The following DMXL1 variants were observed in gnomAD, a reference collection of about 807,000 sequenced individuals.
DMXL1 encodes the protein Dmx like 1.
Under a neutral mutation model 319.2 loss-of-function variants are expected in DMXL1, and 99 were observed. The observed-to-expected ratio is 0.31, with a 90% confidence interval of 0.26 to 0.37. The LOEUF is 0.37. Ranked by LOEUF, DMXL1 falls within the 10% of genes least tolerant of loss-of-function variation. DMXL1 has a pLI of 1.00. For synonymous variants in DMXL1, 1,385 were observed against 1,235.2 expected (o/e 1.12, Z -2.54); for missense variants, 3,745 against 3,595.6 (o/e 1.04, Z -1.06).
chr5:119,145,126 T>C (rs1271438288), intron 15 of DMXL1, among the ~76,000 whole-genome samples: 1 of 151,844 alleles, frequency 6.6e-6, no homozygotes, highest in African/African-American at 2.4e-5. Context: ...CTACAGTCTC[T>C]TGGTCATCAC....
chr5:119,205,772 T>C (rs1781636843), intron 33 of DMXL1, among the ~76,000 whole-genome samples: 1 of 152,068 alleles, frequency 6.6e-6, no homozygotes, highest in Non-Finnish European at 1.5e-5. Context: ...AATATAGAGT[T>C]TGTGTGAAAT....
In DMXL1 at chr5:119,133,665, C is replaced by G; in HGVS notation, c.1741C>G (p.His581Asp). The change falls in exon 12 of 44, where the codon CAC becomes GAC. Residue 581 changes from histidine (H) to aspartate (D), a missense_variant. Physicochemically the swap from His to Asp is moderately conservative, Grantham distance 81. Transcript: ENST00000539542. ...RSTSMLISSG[H>D]NKSSNSLKLS... ...CACATCAATGCTTATTTCTTCTGGT[C>G]ACAATAAATCATCTAATAGTTTAAA... 6.2e-7 allele frequency: 1 copy of G among 1,614,158 alleles called. No homozygotes were observed. Among genetic ancestry groups the G allele is most frequent in the Non-Finnish European group, 8.5e-7 (1 of 1,180,022 alleles).
Position 119,120,959 on chromosome 5 carries a change from C to T in DMXL1, c.934-12C>T, listed in dbSNP as rs1425217395. 30 of 1,599,484 alleles carry T rather than the reference C, an allele frequency of 1.9e-5. No homozygotes were observed. The highest frequency in any genetic ancestry group is 2.5e-5 in the Non-Finnish European group (29 of 1,174,632). On this transcript the variant is annotated splice_polypyrimidine_tract_variant and intron_variant, in intron 8 of 43. Coordinates refer to ENST00000539542, the MANE Select transcript of DMXL1 (RefSeq NM_001290321.3). ...GACAATATAGGTATTAGTTTTGTTT[C>T]TATTCACACAGGTAAATCTGAGACA...
Position 119,134,312 on chromosome 5 carries a change from G to A in DMXL1, c.2299G>A (p.Gly767Arg). 6.2e-7 allele frequency: 1 copy of A among 1,613,800 alleles called. No individual in the cohort carries two copies. The highest frequency in any genetic ancestry group is 8.5e-7 in the Non-Finnish European group (1 of 1,179,838). The change falls in exon 13 of 44, where the codon GGA (glycine) becomes AGA (arginine). Residue 767 changes from glycine (G) to arginine (R), a missense_variant. By Grantham distance (125) the Gly-to-Arg change is moderately radical. Around this residue, in one of 4 missense-constraint regions of DMXL1, gnomAD observed 2,096 missense variants for 1,985.4 expected, o/e 1.06. Coordinates refer to ENST00000539542, the MANE Select transcript of DMXL1 (RefSeq NM_001290321.3). ...SPSACFVASD[G>R]QYLRLYEAVI... Reference sequence around the variant, plus strand: ...TAGTGCATGCTTTGTAGCCAGTGATGGACAATATCTGAGATTATATGAAGC... The same window carrying A: ...TAGTGCATGCTTTGTAGCCAGTGATAGACAATATCTGAGATTATATGAAGC...
chr5:119,166,910 G>C, intron 22 of DMXL1, 129 bp downstream of exon 22: 1 of 674,296 alleles, frequency 1.5e-6, no homozygotes, highest in Non-Finnish European at 2.3e-6. Context: ...TGAAATAACT[G>C]TTAATATTTA....
Position 119,166,683 on chromosome 5 carries a change from G to A in DMXL1, c.5038G>A (p.Ala1680Thr). Residue 1680 changes from alanine (A) to threonine (T), a missense_variant, in exon 22 of 44, where the codon GCA (alanine) becomes ACA (threonine). Ala to Thr is a moderately conservative substitution (Grantham distance 58, BLOSUM62 0). Coordinates refer to ENST00000539542, the MANE Select transcript of DMXL1 (RefSeq NM_001290321.3). ...HNFEDERWRK[A>T]ALKNAFSLLG... ...TTTTGAGGATGAGAGGTGGCGTAAA[G>A]CAGCTTTAAAGAATGCTTTTTCTTT... 1.9e-6 allele frequency: 3 copies of A among 1,612,634 alleles called. No homozygotes were observed. Among genetic ancestry groups the A allele is most frequent in the Non-Finnish European group, 2.5e-6 (3 of 1,179,446 alleles).
chr5:119,071,044 C>CT (rs1749402854), upstream of DMXL1, among the ~76,000 whole-genome samples: 1 of 152,210 alleles, frequency 6.6e-6, no homozygotes. Context: ...ACAGTAGCAG[C>CT]TGCCCCGAGC....
chr5:119,141,218 C>T (rs1767263128), intron 13 of DMXL1, among the ~76,000 whole-genome samples: 1 of 152,118 alleles, frequency 6.6e-6, no homozygotes, highest in Non-Finnish European at 1.5e-5. Context: ...CCTGTCTTGC[C>T]ACTCCTATTC....
intron 9 of DMXL1, among the ~76,000 whole-genome samples, chr5:119,122,753 G>A (rs993756049): frequency 6.6e-6 from 1 of 151,712 alleles, no homozygotes; most frequent in African/African-American, 2.4e-5. Context: ...GATGGTGGCC[G>A]GGAAGAGGCG....
At chr5:119,207,156 A>G (rs1561875075) in intron 34 of DMXL1, among the ~76,000 whole-genome samples, 4 of 152,312 alleles carry the variant, frequency 2.6e-5, no homozygotes. Context: ...AAATACAACT[A>G]AAGTTCTTAA....
rs746331755 is a variant in DMXL1 at position 119,133,219 on chromosome 5, C to T, written c.1403C>T (p.Thr468Ile). 26 of 1,614,058 alleles carry T rather than the reference C, an allele frequency of 1.6e-5. No homozygotes were observed. Among genetic ancestry groups the T allele is most frequent in the Non-Finnish European group, 2.1e-5 (25 of 1,180,040 alleles). ...CDKMVPNSSF[T>I]SLSSAAIDHQ... ...AAAATGGTACCAAACTCAAGTTTTA[C>T]ATCATTATCGTCAGCTGCCATTGAT... Residue 468 changes from threonine to isoleucine, a missense_variant, in exon 11 of 44, where the codon ACA becomes ATA. Transcript: ENST00000539542.
intron 30 of DMXL1, among the ~76,000 whole-genome samples, chr5:119,194,202 TAAC>T (rs1346797316): frequency 1.3e-5 from 2 of 152,186 alleles, no homozygotes; most frequent in Non-Finnish European, 2.9e-5. Flanking sequence ...TTCCTTTCCT[TAAC>T]AATAATTTAT....
At chr5:119,244,207 G>A in intron 42 of DMXL1, 152 bp from the exon 43 acceptor site, 8 of 645,196 alleles carry the variant, frequency 1.2e-5, no homozygotes, top group South Asian at 1.2e-4. Context: ...TATATCCAGT[G>A]TCTGAAATCA....
chr5:119,082,480 A>G (rs1752463538), intron 1 of DMXL1, among the ~76,000 whole-genome samples: 1 of 151,968 alleles, frequency 6.6e-6, no homozygotes, highest in Non-Finnish European at 1.5e-5. Context: ...TCACTGTATT[A>G]CCCAGACTGG....
At chr5:119,195,454 A>C (rs1456829835) in intron 30 of DMXL1, among the ~76,000 whole-genome samples, 1 of 152,242 alleles carries the variant, frequency 6.6e-6, no homozygotes, top group Non-Finnish European at 1.5e-5. Flanking sequence ...CATGGATATA[A>C]TGCTAAGTGA....
In DMXL1 at chr5:119,121,270, T is replaced by C. The variant is rs1761985643; in HGVS notation, c.1102+131T>C. 7.2e-6 allele frequency: 5 copies of C among 691,936 alleles called. No homozygotes were observed. In the East Asian group the frequency reaches 1.3e-4, roughly 18 times the overall value. The allele number at this position is 691,936 out of a possible 1,614,324, so 42.9% of individuals were successfully genotyped here. On this transcript the variant is annotated intron_variant, in intron 9 of 43. Transcript: ENST00000539542. ...TGTCTTAGCCTATTTTTCTTTTTTTTTTCTTTTTTTTTAATTTATTATTTA... is the reference window on the plus strand; with the variant it reads ...TGTCTTAGCCTATTTTTCTTTTTTTCTTCTTTTTTTTTAATTTATTATTTA...
At chr5:119,103,883 T>C (rs1312383259) in intron 3 of DMXL1, among the ~76,000 whole-genome samples, 1 of 152,200 alleles carries the variant, frequency 6.6e-6, no homozygotes, top group African/African-American at 2.4e-5. Flanking sequence ...GCCCATTTTC[T>C]CCTTTCCTAA....
At chr5:119,163,286 CAA>C (rs1772665772) in intron 19 of DMXL1, among the ~76,000 whole-genome samples, 1 of 152,116 alleles carries the variant, frequency 6.6e-6, no homozygotes, top group Non-Finnish European at 1.5e-5. Context: ...GTAACTTATC[CAA>C]AGATTATATG....
At chr5:119,159,783 C>G (rs1246027257) in intron 19 of DMXL1, among the ~76,000 whole-genome samples, 3 of 152,104 alleles carry the variant, frequency 2.0e-5, no homozygotes, top group Admixed American at 2.0e-4. Flanking sequence ...TCCACCACAC[C>G]CAGCTAATTT....
Sources: allele counts gnomAD v4.1 joint callset (sites outside exome capture counted in the v4.1 genomes callset), GRCh38; gene constraint gnomAD v4.1.1; regional missense constraint gnomAD v4.1.1; transcripts MANE v1.5; gene names NCBI Gene and HGNC (gene_info 2026-07-23, HGNC 2026-07-21).